Variants in METTL27 observed in about 807,000 individuals in gnomAD.
METTL27 encodes methyltransferase like 27.
In METTL27, 29 loss-of-function variants were observed where a neutral mutation model predicts 24.5. The observed-to-expected ratio is 1.18, with a 90% CI of 0.88 to 1.61. METTL27 has a LOEUF of 1.61. Ranked by LOEUF, METTL27 falls within the 40% of genes most tolerant of loss-of-function variation. The probability of loss-of-function intolerance (pLI) is 0.00; values close to 1 mark genes in which losing one functional copy is unlikely to be tolerated. For missense variants in METTL27, 341 were observed against 324.3 expected, an observed-to-expected ratio of 1.05 and a Z score of -0.40; for synonymous variants, 138 against 146.8, an observed-to-expected ratio of 0.94 and a Z score of 0.43.
chr7:73,841,937 C>A, intron 2 of METTL27, 81 bp downstream of exon 2: 1 of 1,607,584 alleles, frequency 6.2e-7, no homozygotes, highest in Non-Finnish European at 8.5e-7. Flanking sequence ...CAGCCGCCCC[C>A]GGGTGCAAGG....
chr7:73,841,396 C>T (rs1192864289), intron 2 of METTL27, among the ~76,000 whole-genome samples, 198 bp from the exon 3 acceptor site: 5 of 152,040 alleles, frequency 3.3e-5, no homozygotes, highest in Non-Finnish European at 7.4e-5. Context: ...AGCCCCCAGC[C>T]CACTGTACAG....
Position 73,834,842 on chromosome 7 carries a change from C to A in METTL27, c.639G>T (p.Pro213=), listed in dbSNP as rs147956476. The A allele has an allele frequency of 6.2e-7, 1 of 1,614,108 alleles. No individual in the cohort carries two copies. Among genetic ancestry groups the A allele is most frequent in the Non-Finnish European group, 8.5e-7 (1 of 1,180,020 alleles). The change falls in exon 6 of 6, where the codon CCG becomes CCT. Residue 213 remains proline (P), a synonymous_variant. Coordinates refer to ENST00000297873, the MANE Select transcript of METTL27 (RefSeq NM_152559.3). ...RLWTAGSWLP[P]SWRWYPASLP... ...GAGATGCCGGATACCACCTCCAGCT[C>A]GGAGGTAGCCAGCTCCCAGCGGTCC...
At chr7:73,837,649 C>T (rs554796365) in intron 5 of METTL27, among the ~76,000 whole-genome samples, 29 of 152,140 alleles carry the variant, frequency 1.9e-4, no homozygotes, top group South Asian at 6.2e-4. Flanking sequence ...CTTCAGCCTC[C>T]GCCTCCTGGG....
intron 5 of METTL27, among the ~76,000 whole-genome samples, chr7:73,837,324 A>AT (rs1332157972): frequency 2.1e-5 from 3 of 146,094 alleles, no homozygotes; most frequent in Non-Finnish European, 3.0e-5. Flanking sequence ...AAATAAAAAA[A>AT]AATAAAAAGT....
rs572460683 is a variant in METTL27, at chr7:73,839,898, G to A, written c.478+133C>T. ...TGTTGGTGGCTGGGATGTTAGGCTA[G>A]GCTGTGTGTGACGCTGGGCAGGACG... On this transcript the variant is annotated intron_variant, in intron 5 of 5. Coordinates refer to ENST00000297873, the MANE Select transcript of METTL27 (RefSeq NM_152559.3). The A allele has an allele frequency of 1.6e-4, 121 of 769,914 alleles. No individual in the cohort carries two copies. The Middle Eastern group carries it at 1.7e-3, about 11-fold the overall frequency. 47.7% of individuals were successfully genotyped at this position (769,914 alleles called of 1,614,324 possible).
Position 73,840,328 on chromosome 7 carries a change from T to A in METTL27, c.388+86A>T. ...CAGGGTTGAGTGAGGGACTGGGAGC[T>A]TAGTGTGGGAGAGGGATGGAGGATC... On this transcript the variant is annotated intron_variant, in intron 4 of 5. Transcript: ENST00000297873. 2.6e-6 allele frequency: 4 copies of A among 1,536,154 alleles called. No individual in the cohort carries two copies. The South Asian group carries it at 4.9e-5, about 19-fold the overall frequency.
At position 73,838,165 on chromosome 7, in the gene METTL27, C is replaced by T. The variant is rs74829623; in HGVS notation, c.478+1866G>A. Among the ~76,000 whole-genome samples, 1,081 of 152,138 alleles carry T rather than the reference C, an allele frequency of 7.1e-3. 22 individuals are homozygous for T. Among genetic ancestry groups the T allele is most frequent in the Admixed American group, 0.035 (538 of 15,256 alleles). ...ACTGTGCCTGGTGGGGAATTCTTGA[C>T]GTAATTCTCCTGGATTGAGGAGACA... On this transcript the variant is annotated intron_variant, in intron 5 of 5. Transcript: ENST00000297873.
Position 73,840,107 on chromosome 7 carries a change from C to T in METTL27, c.402G>A (p.Ala134=), listed in dbSNP as rs186017949. 1.3e-5 allele frequency: 20 copies of T among 1,590,560 alleles called. No homozygotes were observed. Among genetic ancestry groups the T allele is most frequent in the East Asian group, 2.3e-5 (1 of 44,092 alleles). ...CACTGAGGGCACCGACTATCAGCAC[C>T]GCGTCGAAGGTCCCTGTGTGTGTGT... ...PLPSPEGTFD[A]VLIVGALSDG... The change falls in exon 5 of 6, where the codon GCG becomes GCA. Residue 134 remains alanine, a synonymous_variant. Coordinates refer to ENST00000297873, the MANE Select transcript of METTL27 (RefSeq NM_152559.3).
In METTL27 at chr7:73,842,235, G is replaced by T. The variant is rs571231754; in HGVS notation, c.-4-91C>A. ...CCCTCCTCCCCCTTCAGAGGAGGCT[G>T]CCAGGCCTCCTGCCAGCGCGACCCC... On this transcript the variant is annotated intron_variant, in intron 1 of 5. Coordinates refer to ENST00000297873, the MANE Select transcript of METTL27 (RefSeq NM_152559.3). 14 of 1,492,784 alleles carry T rather than the reference G, an allele frequency of 9.4e-6. No individual in the cohort carries two copies. In the South Asian group the frequency reaches 1.7e-4, roughly 19 times the overall value. The allele number at this position is 1,492,784 out of a possible 1,614,324, so 92.5% of individuals were successfully genotyped here. A position where few individuals can be genotyped will look rare whatever the true frequency, so the allele number is the denominator to read the frequency against.
At chr7:73,836,054 C>A (rs1336866642) in intron 5 of METTL27, among the ~76,000 whole-genome samples, 2,975 of 149,676 alleles carry the variant, frequency 0.02, no homozygotes, top group African/African-American at 0.07. Flanking sequence ...CGTCTCCGCC[C>A]GGCAGCCACC....
rs1275994449 is a variant in METTL27, at chr7:73,835,229, C to T, written c.479-227G>A. On this transcript the variant is annotated intron_variant, in intron 5 of 5. Coordinates refer to ENST00000297873, the MANE Select transcript of METTL27 (RefSeq NM_152559.3). ...CTCCCTCTCCCTCTCCCTCTCCCCA[C>T]GGTCTCCCTCTCCCTCTCTTTCCAC... 1.2e-5 allele frequency: 7 copies of T among 580,488 alleles called. 1 individual carries two copies. Among genetic ancestry groups the T allele is most frequent in the East Asian group, 6.3e-5 (2 of 31,938 alleles). 36.0% of individuals were successfully genotyped at this position (580,488 alleles called of 1,614,324 possible). A position where few individuals can be genotyped will look rare whatever the true frequency, so the allele number is the denominator to read the frequency against.
chr7:73,839,173 C>T (rs1284433873), intron 5 of METTL27, among the ~76,000 whole-genome samples: 2 of 152,230 alleles, frequency 1.3e-5, no homozygotes, highest in Admixed American at 1.3e-4. Context: ...ATCCCAGCTA[C>T]TTGGGAGCCT....
chr7:73,841,275 T>G, intron 2 of METTL27, 77 bp from the exon 3 acceptor site: 1 of 1,504,496 alleles, frequency 6.6e-7, no homozygotes, highest in Non-Finnish European at 8.8e-7. Flanking sequence ...GGTCTCAGAG[T>G]CTGCCAGGCT....
intron 5 of METTL27, among the ~76,000 whole-genome samples, chr7:73,837,474 TAA>T (rs545986182): frequency 2.7e-4 from 22 of 81,838 alleles, no homozygotes; most frequent in East Asian, 8.7e-4. Flanking sequence ...AATGTTCCAA[TAA>T]AAAAAAAAAA....
Position 73,839,919 on chromosome 7 carries a change from G to A in METTL27, c.478+112C>T, listed in dbSNP as rs555162070. Reference sequence around the variant, plus strand: ...GCTAGGCTGTGTGTGACGCTGGGCAGGACGCTGCCCCTCGCTTAGCCTGAG... The same window carrying A: ...GCTAGGCTGTGTGTGACGCTGGGCAAGACGCTGCCCCTCGCTTAGCCTGAG... On this transcript the variant is annotated intron_variant, in intron 5 of 5. Transcript: ENST00000297873. The A allele has an allele frequency of 1.1e-4, 108 of 991,334 alleles. No homozygotes were observed. The South Asian group carries it at 1.8e-3, about 17-fold the overall frequency. The allele number at this position is 991,334 out of a possible 1,614,324, so 61.4% of individuals were successfully genotyped here. A position where few individuals can be genotyped will look rare whatever the true frequency, so the allele number is the denominator to read the frequency against.
intron 2 of METTL27, among the ~76,000 whole-genome samples, chr7:73,841,730 G>C (rs1002087256): frequency 2.0e-5 from 3 of 152,034 alleles, no homozygotes; most frequent in African/African-American, 7.2e-5. Flanking sequence ...CGCCCGCCTC[G>C]GCCTCCCAAA....
Position 73,841,188 on chromosome 7 carries a change from G to C in METTL27, c.134C>G (p.Thr45Ser). The change falls in exon 3 of 6, where the codon ACC (threonine) becomes AGC (serine). Residue 45 changes from threonine (T) to serine (S), a missense_variant. Coordinates refer to ENST00000297873, the MANE Select transcript of METTL27 (RefSeq NM_152559.3). Reference protein sequence around the residue: ...WAPDYDQDVATLLYRAPRLAV... With the variant: ...WAPDYDQDVASLLYRAPRLAV... ...GAGGCGGGGCGCACGGTACAGCAGG[G>C]TGGCCACATCCTGGGGAAAGAGTGC... 6.4e-7 allele frequency: 1 copy of C among 1,557,620 alleles called. No homozygotes were observed. Among genetic ancestry groups the C allele is most frequent in the East Asian group, 2.5e-5 (1 of 39,990 alleles).
rs552364646 is a variant in METTL27 at position 73,837,303 on chromosome 7, A to T, written c.479-2301T>A. On this transcript the variant is annotated intron_variant, in intron 5 of 5. Coordinates refer to ENST00000297873, the MANE Select transcript of METTL27 (RefSeq NM_152559.3). ...ATAAAAAATAAATAAATAAATAAAT[A>T]AATTTAAAAAAAATAAAAAAAAATA... Among the ~76,000 whole-genome samples, 83 of 83,728 alleles carry T rather than the reference A, an allele frequency of 9.9e-4. 2 individuals are homozygous for T. Among genetic ancestry groups the T allele is most frequent in the Admixed American group, 1.7e-3 (16 of 9,352 alleles). The allele number at this position is 83,728 out of a possible 152,430, so 54.9% of individuals were successfully genotyped here. A position where few individuals can be genotyped will look rare whatever the true frequency, so the allele number is the denominator to read the frequency against.
At position 73,841,120 on chromosome 7, in the gene METTL27, T is replaced by G; in HGVS notation, c.202A>C (p.Ser68Arg). ...CAGGCCACGTCCAGGATCAGGGCAC[T>G]GTGGGGCGGGCCTGGAAGGGCTTGT... The part of the protein sequence containing the change: ...LTQALPGPPH[S>R]ALILDVACGT... Residue 68 changes from serine (S) to arginine (R), a missense_variant, in exon 3 of 6, where the codon AGT becomes CGT. Ser to Arg is a moderately radical substitution (Grantham distance 110). Coordinates refer to ENST00000297873, the MANE Select transcript of METTL27 (RefSeq NM_152559.3). The G allele has an allele frequency of 6.5e-7, 1 of 1,535,666 alleles. No individual in the cohort carries two copies. Among genetic ancestry groups the G allele is most frequent in the South Asian group, 1.3e-5 (1 of 78,444 alleles).
Sources: allele counts gnomAD v4.1 joint callset (sites outside exome capture counted in the v4.1 genomes callset), GRCh38; gene constraint gnomAD v4.1.1; transcripts MANE v1.5; gene names NCBI Gene and HGNC (gene_info 2026-07-23, HGNC 2026-07-21).